The following MYO1D variants were observed in gnomAD, a reference collection of about 807,000 sequenced individuals.
The protein encoded by MYO1D is unconventional myosin-Id.
Under a neutral mutation model 122.0 loss-of-function variants are expected in MYO1D, and 83 were observed. The ratio of observed to expected loss-of-function variants is 0.68; its 90% confidence interval spans 0.57 to 0.82. The LOEUF (loss-of-function observed/expected upper bound fraction) is 0.82. Among genes scored for constraint, MYO1D ranks in the 40% least tolerant of loss-of-function variants. The probability of loss-of-function intolerance (pLI) is 0.00; values close to 1 mark genes in which losing one functional copy is unlikely to be tolerated. For synonymous variants in MYO1D, 464 were observed against 446.9 expected (o/e 1.04, Z -0.48); for missense variants, 1,157 against 1,269.5 (o/e 0.91, Z 1.35).
intron 16 of MYO1D, among the ~76,000 whole-genome samples, chr17:32,690,029 A>G (rs1173042004): frequency 6.6e-6 from 1 of 152,102 alleles, no homozygotes; most frequent in Non-Finnish European, 1.5e-5. Flanking sequence ...CCTGGCCCAT[A>G]GTTTTCTATT....
Position 32,775,927 on chromosome 17 carries a change from A to T in MYO1D, c.501T>A (p.Asp167Glu). 6.2e-7 allele frequency: 1 copy of T among 1,613,932 alleles called. No homozygotes were observed. Among genetic ancestry groups the T allele is most frequent in the Admixed American group, 1.7e-5 (1 of 60,030 alleles). Residue 167 changes from aspartate to glutamate, a missense_variant, in exon 4 of 22, where the codon GAT becomes GAA. Transcript: ENST00000318217. ...GGTCACCCTTGAAGTCAAAGTTGAT[A>T]TCCATGTATTTTCCAAACCTGCTTG... ...DNSSRFGKYM[D>E]INFDFKGDPI...
chr17:32,575,547 C>T (rs1030683746), intron 21 of MYO1D, among the ~76,000 whole-genome samples: 7 of 152,160 alleles, frequency 4.6e-5, no homozygotes, highest in African/African-American at 1.7e-4. Context: ...GGATACCCAC[C>T]TTATTATCTT....
At chr17:32,761,705 T>C (rs1278275231) in intron 8 of MYO1D, among the ~76,000 whole-genome samples, 1 of 152,074 alleles carries the variant, frequency 6.6e-6, no homozygotes, top group Non-Finnish European at 1.5e-5. Context: ...GTCTCTGAGC[T>C]CCTGACTCAA....
At chr17:32,617,186 T>C (rs2087782173) in intron 20 of MYO1D, among the ~76,000 whole-genome samples, 1 of 151,898 alleles carries the variant, frequency 6.6e-6, no homozygotes, top group Non-Finnish European at 1.5e-5. Flanking sequence ...CAAAAAAAGT[T>C]AATAAAAAAA....
intron 16 of MYO1D, among the ~76,000 whole-genome samples, chr17:32,665,941 C>T (rs2088630513): frequency 6.6e-6 from 1 of 152,098 alleles, no homozygotes; most frequent in African/African-American, 2.4e-5. Flanking sequence ...AATCTTACTC[C>T]TCAGTGTCTA....
At chr17:32,519,899 TTTAAA>T (rs1342229321) in intron 21 of MYO1D, among the ~76,000 whole-genome samples, 5 of 148,858 alleles carry the variant, frequency 3.4e-5, no homozygotes, top group Non-Finnish European at 7.4e-5. Flanking sequence ...GCTTTTTTTT[TTTAAA>T]AAAAAAAACC....
intron 20 of MYO1D, among the ~76,000 whole-genome samples, chr17:32,609,730 G>T (rs1267775476): frequency 6.6e-6 from 1 of 152,018 alleles, no homozygotes; most frequent in Non-Finnish European, 1.5e-5. Flanking sequence ...TAGGAGGTGA[G>T]TTCTTGGGTT....
At chr17:32,773,862 C>T (rs1053520730) in intron 4 of MYO1D, among the ~76,000 whole-genome samples, 12 of 152,258 alleles carry the variant, frequency 7.9e-5, no homozygotes, top group Admixed American at 6.5e-4. Flanking sequence ...CATTCTTTTA[C>T]ACATCGGTCC....
chr17:32,661,561 G>A (rs2088565411), intron 16 of MYO1D, among the ~76,000 whole-genome samples: 1 of 152,086 alleles, frequency 6.6e-6, no homozygotes, highest in Non-Finnish European at 1.5e-5. Context: ...AGGCTTAGGT[G>A]GGAGGATTGC....
intron 16 of MYO1D, among the ~76,000 whole-genome samples, chr17:32,682,683 C>T (rs1160557470): frequency 1.0e-5 from 1 of 97,324 alleles, no homozygotes; most frequent in African/African-American, 5.2e-5. Flanking sequence ...CTGCCCTTAA[C>T]ATTTTTTTCA....
At chr17:32,586,000 G>A (rs991779919) in intron 21 of MYO1D, among the ~76,000 whole-genome samples, 2 of 152,034 alleles carry the variant, frequency 1.3e-5, no homozygotes, top group East Asian at 1.9e-4. Flanking sequence ...ATTTCTCTAC[G>A]TGTCAAGGAG....
intron 16 of MYO1D, among the ~76,000 whole-genome samples, chr17:32,707,646 G>C (rs1444227200): frequency 6.6e-6 from 1 of 152,188 alleles, no homozygotes; most frequent in Non-Finnish European, 1.5e-5. Flanking sequence ...GCTGGTGTCT[G>C]GGAACTTGCT....
At chr17:32,875,609 G>T (rs2091221167) in intron 1 of MYO1D, among the ~76,000 whole-genome samples, 1 of 152,082 alleles carries the variant, frequency 6.6e-6, no homozygotes, top group African/African-American at 2.4e-5. Context: ...ATTAATATTT[G>T]GGGTGATTTC....
Position 32,745,200 on chromosome 17 carries a change from T to C in MYO1D, c.1613+11A>G, listed in dbSNP as rs2089820512. 2.9e-6 allele frequency: 4 copies of C among 1,399,046 alleles called. No homozygotes were observed. The South Asian group carries it at 3.6e-5, about 13-fold the overall frequency. The allele number at this position is 1,399,046 out of a possible 1,614,324, so 86.7% of individuals were successfully genotyped here. A position where few individuals can be genotyped will look rare whatever the true frequency, so the allele number is the denominator to read the frequency against. ...TTAATCTAGAGTTAATTAATAAAAT[T>C]TCAATCTTACCTGTTATACATAAGG... On this transcript the variant is annotated intron_variant, in intron 13 of 21. Coordinates refer to ENST00000318217, the MANE Select transcript of MYO1D (RefSeq NM_015194.3).
chr17:32,564,022 T>C (rs1328443018), intron 21 of MYO1D, among the ~76,000 whole-genome samples: 1 of 152,260 alleles, frequency 6.6e-6, no homozygotes, highest in African/African-American at 2.4e-5. Context: ...CTGAAATTTA[T>C]CTGTAGGGGT....
rs757218243 is a variant in MYO1D at position 32,764,890 on chromosome 17, G to A, written c.1023C>T (p.Asp341=). The change falls in exon 8 of 22, where the codon GAC becomes GAT. Residue 341 remains aspartate (D), a synonymous_variant. Transcript: ENST00000318217. ...GTTACACTCTCACCTTGGCAAAGGC[G>A]TCTCTGCCGTAGCTGGCCTCTTGTT... The part of the protein sequence containing the change: ...HTEQEASYGR[D]AFAKAIYERL... 24 of 1,614,108 alleles carry A rather than the reference G, an allele frequency of 1.5e-5. No homozygotes were observed. The highest frequency in any genetic ancestry group is 1.1e-4 in the South Asian group (10 of 91,078).
intron 1 of MYO1D, among the ~76,000 whole-genome samples, chr17:32,866,301 T>C (rs532205883): frequency 6.6e-6 from 1 of 152,262 alleles, no homozygotes; most frequent in East Asian, 1.9e-4. Flanking sequence ...AAAAATTCTC[T>C]CTCTCTTCTA....
At chr17:32,833,438 C>T (rs1470957965) in intron 1 of MYO1D, among the ~76,000 whole-genome samples, 3 of 152,198 alleles carry the variant, frequency 2.0e-5, no homozygotes, top group Non-Finnish European at 2.9e-5. Context: ...ACCTCTCCCA[C>T]CTGAATTATT....
intron 10 of MYO1D, among the ~76,000 whole-genome samples, chr17:32,759,524 C>G (rs1175514463): frequency 6.6e-6 from 1 of 152,110 alleles, no homozygotes; most frequent in Non-Finnish European, 1.5e-5. Context: ...ACTACAGAAA[C>G]TTAAAAGTTT....
Sources: gnomAD v4.1 joint callset for allele counts (sites outside exome capture counted in the v4.1 genomes callset) on GRCh38, gnomAD v4.1.1 for gene constraint, MANE v1.5 for transcripts, NCBI Gene and HGNC (gene_info 2026-07-23, HGNC 2026-07-21) for gene names.